BNC2: variants seen among roughly 807,000 people sequenced by gnomAD.
BNC2 encodes basonuclin zinc finger protein 2.
A neutral mutation model predicts 76.3 loss-of-function variants in BNC2; 20 were observed. That is an observed-to-expected ratio of 0.26 (90% CI 0.18 to 0.38). The LOEUF is 0.38. Ranked by LOEUF, BNC2 falls within the 10% of genes least tolerant of loss-of-function variation. The pLI is 1.00. For synonymous variants in BNC2, 582 were observed against 514.8 expected, an observed-to-expected ratio of 1.13 and a Z score of -1.77; for missense variants, 1,382 against 1,399.8, an observed-to-expected ratio of 0.99 and a Z score of 0.20.
At chr9:16,504,996 G>A (rs1822595766) in intron 5 of BNC2, among the ~76,000 whole-genome samples, 1 of 152,202 alleles carries the variant, frequency 6.6e-6, no homozygotes, top group African/African-American at 2.4e-5. Flanking sequence ...AGACTATGAA[G>A]TCAACTGTCC....
Position 16,419,417 on chromosome 9 carries a change from T to C in BNC2, c.2872A>G (p.Met958Val), listed in dbSNP as rs201371406. 6.2e-7 allele frequency: 1 copy of C among 1,605,674 alleles called. No individual in the cohort carries two copies. The highest frequency in any genetic ancestry group is 1.7e-4 in the Middle Eastern group (1 of 6,002). Reference sequence around the variant, plus strand: ...GAGGTGGTGCTCAAGTCAAGGACCATGTAGTCCTCTGCCATGCCTCTCCCA... The same window carrying C: ...GAGGTGGTGCTCAAGTCAAGGACCACGTAGTCCTCTGCCATGCCTCTCCCA... ...GYGRGMAEDY[M>V]VLDLSTTSSL... Residue 958 changes from methionine to valine, a missense_variant, in exon 7 of 7, where the codon ATG becomes GTG. Met to Val is a conservative substitution (Grantham distance 21). Transcript: ENST00000380672.
chr9:16,811,128 C>G (rs1818038888), intron 1 of BNC2, among the ~76,000 whole-genome samples: 1 of 148,412 alleles, frequency 6.7e-6, no homozygotes, highest in Non-Finnish European at 1.5e-5. Context: ...GAGGCTGAGG[C>G]AGGAGAATGG....
At chr9:16,702,908 A>G (rs539349586) in intron 3 of BNC2, among the ~76,000 whole-genome samples, 2 of 152,360 alleles carry the variant, frequency 1.3e-5, no homozygotes, top group East Asian at 1.9e-4. Context: ...TTAGAATCTG[A>G]AACAACACCC....
At chr9:16,792,398 G>A (rs1458052622) in intron 1 of BNC2, among the ~76,000 whole-genome samples, 2 of 152,168 alleles carry the variant, frequency 1.3e-5, no homozygotes, top group East Asian at 1.9e-4. Context: ...TCCTCAGAAA[G>A]AAGGATACAG....
chr9:16,475,308 A>G (rs1821905073), intron 5 of BNC2, among the ~76,000 whole-genome samples: 1 of 152,190 alleles, frequency 6.6e-6, no homozygotes, highest in African/African-American at 2.4e-5. Flanking sequence ...CTCTTACCCT[A>G]AACATGGCTA....
intron 1 of BNC2, among the ~76,000 whole-genome samples, chr9:16,811,376 C>A (rs372262290): frequency 4.0e-5 from 6 of 151,204 alleles, no homozygotes; most frequent in African/African-American, 1.5e-4. Flanking sequence ...CATGGTGAAA[C>A]CCCATCTCTA....
In BNC2 at chr9:16,784,681, A is replaced by C. The variant is rs140281943; in HGVS notation, c.4-46196T>G. 2.6e-4 allele frequency among the ~76,000 whole-genome samples: 40 copies of C among 152,356 alleles called. No homozygotes were observed. The East Asian group carries it at 6.6e-3, about 25-fold the overall frequency. On this transcript the variant is annotated intron_variant, in intron 1 of 6. Coordinates refer to ENST00000380672, the MANE Select transcript of BNC2 (RefSeq NM_017637.6). ...GGTGTTTTTAAAAGCCTCCAATCTCAATCACTAGAGTATCCTAGAGAAAGT... is the reference window on the plus strand; with the variant it reads ...GGTGTTTTTAAAAGCCTCCAATCTCCATCACTAGAGTATCCTAGAGAAAGT...
chr9:16,804,125 G>A (rs1307498309), intron 1 of BNC2, among the ~76,000 whole-genome samples: 2 of 152,224 alleles, frequency 1.3e-5, no homozygotes, highest in Admixed American at 1.3e-4. Context: ...AAATGTCACA[G>A]TAGTTTGCCG....
intron 1 of BNC2, among the ~76,000 whole-genome samples, chr9:16,822,723 A>G (rs1818368364): frequency 6.6e-6 from 1 of 152,238 alleles, no homozygotes; most frequent in African/African-American, 2.4e-5. Context: ...ACAAGTAAGT[A>G]AAGATTAATG....
At chr9:16,715,886 TA>T (rs1367844073) in intron 3 of BNC2, among the ~76,000 whole-genome samples, 2 of 152,226 alleles carry the variant, frequency 1.3e-5, no homozygotes, top group African/African-American at 4.8e-5. Context: ...AACAGAGATT[TA>T]AAAATACATA....
At chr9:16,816,502 TCTG>T (rs1467884423) in intron 1 of BNC2, among the ~76,000 whole-genome samples, 5 of 152,172 alleles carry the variant, frequency 3.3e-5, no homozygotes, top group Non-Finnish European at 7.3e-5. Flanking sequence ...TCCAAATTTT[TCTG>T]CTGCCTTCCA....
At chr9:16,483,606 C>A (rs537499899) in intron 5 of BNC2, among the ~76,000 whole-genome samples, 1 of 152,300 alleles carries the variant, frequency 6.6e-6, no homozygotes, top group South Asian at 2.1e-4. Flanking sequence ...TAATTTCATA[C>A]CCCACATAGC....
At chr9:16,479,157 C>G (rs548748400) in intron 5 of BNC2, among the ~76,000 whole-genome samples, 1 of 150,708 alleles carries the variant, frequency 6.6e-6, no homozygotes, top group African/African-American at 2.4e-5. Flanking sequence ...GAGTCTGAGG[C>G]AGGAGAACTG....
intron 6 of BNC2, among the ~76,000 whole-genome samples, chr9:16,420,589 CTTTACT>C (rs1820689542): frequency 6.6e-6 from 1 of 150,562 alleles, no homozygotes. Flanking sequence ...CATAGGGTTC[CTTTACT>C]TTAACAACTG....
chr9:16,532,541 C>A (rs1476879951), intron 5 of BNC2, among the ~76,000 whole-genome samples: 3 of 152,084 alleles, frequency 2.0e-5, no homozygotes, highest in Non-Finnish European at 4.4e-5. Context: ...CTGGCTCATG[C>A]CAGCCTATGA....
intron 5 of BNC2, among the ~76,000 whole-genome samples, chr9:16,484,669 T>A (rs954430286): frequency 2.0e-4 from 30 of 152,306 alleles, no homozygotes; most frequent in African/African-American, 6.3e-4. Flanking sequence ...TGCAACAGCA[T>A]CATGAAGAAA....
At chr9:16,866,934 A>G (rs1379660454) in intron 1 of BNC2, among the ~76,000 whole-genome samples, 2 of 152,182 alleles carry the variant, frequency 1.3e-5, no homozygotes, top group South Asian at 2.1e-4. Context: ...TCTTGTAAGG[A>G]TGTAGATGGT....
chr9:16,580,519 A>T (rs958206818), intron 4 of BNC2, among the ~76,000 whole-genome samples: 1 of 152,206 alleles, frequency 6.6e-6, no homozygotes, highest in African/African-American at 2.4e-5. Flanking sequence ...GAAAAATGAC[A>T]TTCTTCAGAA....
intron 4 of BNC2, among the ~76,000 whole-genome samples, chr9:16,580,565 T>C (rs1384549839): frequency 6.6e-6 from 1 of 152,216 alleles, no homozygotes; most frequent in Non-Finnish European, 1.5e-5. Context: ...GAATAATTTA[T>C]GTTGTTCAAG....
Sources: allele counts gnomAD v4.1 joint callset (sites outside exome capture counted in the v4.1 genomes callset), GRCh38; gene constraint gnomAD v4.1.1; transcripts MANE v1.5; gene names NCBI Gene and HGNC (gene_info 2026-07-23, HGNC 2026-07-21).